Variants in DCAF1 observed in about 807,000 individuals in gnomAD.
DCAF1 encodes the protein DDB1- and CUL4-associated factor 1.
Under a neutral mutation model 128.0 loss-of-function variants are expected in DCAF1, and 15 were observed. The ratio of observed to expected loss-of-function variants is 0.12; its 90% confidence interval spans 0.08 to 0.18. The LOEUF (loss-of-function observed/expected upper bound fraction) is 0.18, where lower values mean the gene tolerates loss of function less well. Among genes scored for constraint, DCAF1 ranks in the 10% least tolerant of loss-of-function variants. The pLI is 1.00. For missense variants in DCAF1, 988 were observed against 1,649.5 expected (o/e 0.60, Z 6.95); for synonymous variants, 610 against 603.0 (o/e 1.01, Z -0.17).
At chr3:51,412,845 G>GC (rs1698553151) in intron 22 of DCAF1, 148 bp downstream of exon 22, 2 of 1,243,468 alleles carry the variant, frequency 1.6e-6, no homozygotes, top group Non-Finnish European at 2.2e-6. Flanking sequence ...CATCTCCCAA[G>GC]CCCCATCAAA....
intron 5 of DCAF1, among the ~76,000 whole-genome samples, chr3:51,465,302 C>T (rs1459325545): frequency 4.6e-5 from 7 of 152,086 alleles, no homozygotes; most frequent in Admixed American, 3.3e-4. Context: ...ACAAAAGAAA[C>T]AGATTATGGA....
upstream of DCAF1, among the ~76,000 whole-genome samples, chr3:51,500,271 T>C (rs1553663762): frequency 6.6e-6 from 1 of 152,062 alleles, no homozygotes; most frequent in Non-Finnish European, 1.5e-5. Context: ...TGTAGTTTTT[T>C]TGGATAAATG....
chr3:51,455,298 T>C (rs1577202539), intron 6 of DCAF1, among the ~76,000 whole-genome samples: 1 of 152,146 alleles, frequency 6.6e-6, no homozygotes, highest in Non-Finnish European at 1.5e-5. Context: ...GAGTTTGACA[T>C]TATAAATCCA....
chr3:51,452,593 A>ATT (rs1702465339), intron 6 of DCAF1, among the ~76,000 whole-genome samples: 2 of 152,204 alleles, frequency 1.3e-5, no homozygotes, highest in Non-Finnish European at 2.9e-5. Flanking sequence ...AATTTCCCTT[A>ATT]AATAGTGTTT....
upstream of DCAF1, among the ~76,000 whole-genome samples, chr3:51,502,717 C>T (rs1025651833): frequency 1.3e-5 from 2 of 152,084 alleles, no homozygotes; most frequent in Admixed American, 6.6e-5. Flanking sequence ...CCAGCAGCCA[C>T]GCCCTCAGGA....
At chr3:51,442,861 A>C (rs892330076) in intron 7 of DCAF1, among the ~76,000 whole-genome samples, 1 of 152,196 alleles carries the variant, frequency 6.6e-6, no homozygotes, top group South Asian at 2.1e-4. Context: ...GCTCTCACTT[A>C]TAAGTGGGAA....
At chr3:51,455,463 G>A (rs537412322) in intron 6 of DCAF1, among the ~76,000 whole-genome samples, 17 of 152,062 alleles carry the variant, frequency 1.1e-4, no homozygotes, top group South Asian at 6.2e-4. Context: ...AAAATTAGCC[G>A]GGCATGGTGA....
intron 13 of DCAF1, among the ~76,000 whole-genome samples, chr3:51,423,880 A>G (rs1460138674): frequency 2.0e-5 from 3 of 151,996 alleles, no homozygotes; most frequent in Non-Finnish European, 2.9e-5. Flanking sequence ...TAAGATGTTC[A>G]TTAGCCACAT....
intron 9 of DCAF1, among the ~76,000 whole-genome samples, chr3:51,439,222 G>A (rs1330879495): frequency 6.6e-6 from 1 of 151,916 alleles, no homozygotes; most frequent in Non-Finnish European, 1.5e-5. Flanking sequence ...TCCGCCTCCC[G>A]GGTTCAAGTG....
chr3:51,503,073 C>A (rs1306242946), upstream of DCAF1, among the ~76,000 whole-genome samples: 1 of 152,172 alleles, frequency 6.6e-6, no homozygotes, highest in Non-Finnish European at 1.5e-5. Flanking sequence ...GGTCCTGCAC[C>A]ATTGGGAGGA....
chr3:51,403,629 C>T (rs190782036), intron 23 of DCAF1, among the ~76,000 whole-genome samples: 62 of 152,314 alleles, frequency 4.1e-4, no homozygotes, highest in Middle Eastern at 3.4e-3. Context: ...GGTCACATAG[C>T]CCTTATGCAA....
chr3:51,475,172 C>CT (rs1329767804), intron 3 of DCAF1, among the ~76,000 whole-genome samples: 2 of 151,792 alleles, frequency 1.3e-5, no homozygotes, highest in African/African-American at 4.8e-5. Context: ...TCAAGCAATA[C>CT]TTCCACCTCA....
intron 6 of DCAF1, among the ~76,000 whole-genome samples, chr3:51,453,959 A>G (rs1553642127): frequency 6.6e-6 from 1 of 152,140 alleles, no homozygotes; most frequent in Non-Finnish European, 1.5e-5. Flanking sequence ...CTCAAAAAAA[A>G]AAAAACAAGC....
chr3:51,445,255 CTAAATTTTAAGAATT>C, intron 6 of DCAF1, among the ~76,000 whole-genome samples: 1 of 152,242 alleles, frequency 6.6e-6, no homozygotes, highest in South Asian at 2.1e-4. Context: ...TTAAACACTC[CTAAATTTTAAGAATT>C]TTCTTGTTAA....
At chr3:51,421,110 T>C in intron 14 of DCAF1, 113 bp from the exon 15 acceptor site, 6 of 1,283,818 alleles carry the variant, frequency 4.7e-6, no homozygotes, top group Non-Finnish European at 6.3e-6. Flanking sequence ...AAAAACTATA[T>C]TACTTTTGTA....
intron 3 of DCAF1, among the ~76,000 whole-genome samples, chr3:51,473,267 A>G (rs1190819618): frequency 6.6e-6 from 1 of 151,092 alleles, no homozygotes; most frequent in Non-Finnish European, 1.5e-5. Flanking sequence ...TATCTCAAAA[A>G]AAAAAAAAAC....
chr3:51,412,766 A>G lies in DCAF1; in HGVS notation c.4110+227T>C, dbSNP rs966694579. ...AAAGGGATGACAGTGTGAGTCCAGA[A>G]AAAAAGGAGACAGGATCCTCTAAGC... On this transcript the variant is annotated intron_variant, in intron 22 of 24. Transcript: ENST00000684031. Among the ~76,000 whole-genome samples the G allele has an allele frequency of 5.9e-5, 9 of 152,304 alleles. No homozygotes were observed. The East Asian group carries it at 1.7e-3, about 29-fold the overall frequency.
intron 19 of DCAF1, 43 bp from the exon 20 acceptor site, chr3:51,414,086 T>TA (rs782129093): frequency 2.0e-6 from 3 of 1,528,434 alleles, no homozygotes; most frequent in Non-Finnish European, 2.6e-6. Flanking sequence ...ACACAAAACT[T>TA]ATCTAATCTC....
chr3:51,406,760 C>G (rs1476530769), intron 23 of DCAF1, among the ~76,000 whole-genome samples: 1 of 152,196 alleles, frequency 6.6e-6, no homozygotes, highest in African/African-American at 2.4e-5. Flanking sequence ...TCAACCAACC[C>G]TGAGACCCTG....
Sources: allele counts gnomAD v4.1 joint callset (sites outside exome capture counted in the v4.1 genomes callset), GRCh38; gene constraint gnomAD v4.1.1; transcripts MANE v1.5; gene names NCBI Gene and HGNC (gene_info 2026-07-23, HGNC 2026-07-21).